FAM53B: variants seen among roughly 807,000 people sequenced by gnomAD.
The protein encoded by FAM53B is protein FAM53B.
In FAM53B, 12 loss-of-function variants were observed where a neutral mutation model predicts 32.7. That is an observed-to-expected ratio of 0.37 (90% CI 0.24 to 0.59). FAM53B has a LOEUF of 0.59. Among genes scored for constraint, FAM53B ranks in the 20% least tolerant of loss-of-function variants. FAM53B has a pLI of 0.72. For missense variants in FAM53B, 477 were observed against 577.7 expected (o/e 0.83, Z 1.79); for synonymous variants, 234 against 228.7 (o/e 1.02, Z -0.21).
chr10:124,731,135 A>C (rs781695321), intron 1 of FAM53B, among the ~76,000 whole-genome samples: 2 of 152,218 alleles, frequency 1.3e-5, no homozygotes, highest in Non-Finnish European at 2.9e-5. Context: ...TATATTCTTC[A>C]TCTATAAAAA....
intron 1 of FAM53B, among the ~76,000 whole-genome samples, chr10:124,716,095 G>A (rs1184832499): frequency 5.9e-5 from 9 of 152,248 alleles, no homozygotes; most frequent in Non-Finnish European, 7.3e-5. Flanking sequence ...TGAAGCACCT[G>A]CTGTCCTTAG....
rs929598907 is a variant in FAM53B at position 124,706,788 on chromosome 10, G to C, written c.-75C>G. On this transcript the variant is annotated 5_prime_UTR_variant, in exon 2 of 5. Coordinates refer to ENST00000337318, the MANE Select transcript of FAM53B (RefSeq NM_014661.4). ...CTTCACTTGGGCAGACTTGGGGTGAGTACCTCCTGGGGAATTGATGTCAGC... is the reference window on the plus strand; with the variant it reads ...CTTCACTTGGGCAGACTTGGGGTGACTACCTCCTGGGGAATTGATGTCAGC... 1 of 1,607,530 alleles carries C rather than the reference G, an allele frequency of 6.2e-7. No individual in the cohort carries two copies.
rs2134030396 is a variant in FAM53B, at chr10:124,619,934, G to A, written c.*3308C>T. On this transcript the variant is annotated 3_prime_UTR_variant, in exon 5 of 5. Transcript: ENST00000337318. ...GCAGAGCCCGCAGCAGGGGGCCCGG[G>A]GTTCCACAGCTAGGGAAGCTTGCTC... The A allele has an allele frequency of 6.6e-6, 1 of 152,524 alleles. No homozygotes were observed. The highest frequency in any genetic ancestry group is 2.1e-4 in the South Asian group (1 of 4,832). 9.4% of individuals were successfully genotyped at this position (152,524 alleles called of 1,614,324 possible). A position where few individuals can be genotyped will look rare whatever the true frequency, so the allele number is the denominator to read the frequency against.
At chr10:124,625,515 C>A (rs1949341395) in intron 4 of FAM53B, among the ~76,000 whole-genome samples, 1 of 152,188 alleles carries the variant, frequency 6.6e-6, no homozygotes, top group Admixed American at 6.5e-5. Context: ...GCGACCCCTG[C>A]ACAACAGCCC....
intron 3 of FAM53B, among the ~76,000 whole-genome samples, chr10:124,693,299 G>A (rs1217135681): frequency 1.3e-5 from 2 of 151,882 alleles, no homozygotes; most frequent in African/African-American, 4.8e-5. Context: ...GTGAAACCCC[G>A]TCTCTACTAA....
At chr10:124,709,485 G>C (rs141480305) in intron 1 of FAM53B, among the ~76,000 whole-genome samples, 103 of 152,322 alleles carry the variant, frequency 6.8e-4, no homozygotes, top group African/African-American at 2.5e-3. Flanking sequence ...GAGAAGGCAG[G>C]TGTAGCACAA....
In FAM53B at chr10:124,623,418, C is replaced by T. The variant is rs369577386; in HGVS notation, c.1093G>A (p.Asp365Asn). The T allele has an allele frequency of 3.1e-6, 5 of 1,607,814 alleles. No homozygotes were observed. In the South Asian group the frequency reaches 3.3e-5, roughly 11 times the overall value. The part of the protein sequence containing the change: ...VPEPLPPSFD[D>N]HLACQEDLSC... ...AGGTCCTCCTGGCAGGCGAGGTGGT[C>T]GTCGAAGGAAGGGGGAAGAGGCTCA... is the stretch of plus-strand genomic sequence containing the variant. The change falls in exon 5 of 5, where the codon GAC becomes AAC. Residue 365 changes from aspartate (D) to asparagine (N), a missense_variant. By Grantham distance (23) the Asp-to-Asn change is conservative. Transcript: ENST00000337318.
At chr10:124,665,220 TTC>T in intron 4 of FAM53B, among the ~76,000 whole-genome samples, 1 of 152,284 alleles carries the variant, frequency 6.6e-6, no homozygotes, top group African/African-American at 2.4e-5. Context: ...GGGCATAGCC[TTC>T]TCTTACTGCC....
At chr10:124,678,128 C>T (rs1475192658) in intron 4 of FAM53B, among the ~76,000 whole-genome samples, 1 of 152,210 alleles carries the variant, frequency 6.6e-6, no homozygotes, top group Non-Finnish European at 1.5e-5. Flanking sequence ...AACAGGCATT[C>T]TTACAGCAGA....
intron 4 of FAM53B, among the ~76,000 whole-genome samples, chr10:124,666,153 A>G (rs1949670887): frequency 6.6e-6 from 1 of 152,228 alleles, no homozygotes; most frequent in African/African-American, 2.4e-5. Context: ...TGAAGCTCCC[A>G]GGCTGATAAG....
chr10:124,727,330 T>TGGG (rs35254075), intron 1 of FAM53B, among the ~76,000 whole-genome samples: 11 of 89,256 alleles, frequency 1.2e-4, no homozygotes, highest in African/African-American at 4.4e-4. Flanking sequence ...TGAGTGATTG[T>TGGG]GGGGGGGGGG....
intron 4 of FAM53B, among the ~76,000 whole-genome samples, chr10:124,648,009 A>G (rs193290526): frequency 6.6e-6 from 1 of 152,272 alleles, no homozygotes; most frequent in Non-Finnish European, 1.5e-5. Context: ...CAGGAAATGC[A>G]CTGGGGACGC....
At chr10:124,707,193 G>A (rs1196510061) in intron 1 of FAM53B, among the ~76,000 whole-genome samples, 2 of 152,180 alleles carry the variant, frequency 1.3e-5, no homozygotes, top group Admixed American at 6.5e-5. Flanking sequence ...ACAATCTGCT[G>A]TCCCTGCAGC....
chr10:124,654,653 C>G (rs930804961), intron 4 of FAM53B, among the ~76,000 whole-genome samples: 1 of 152,198 alleles, frequency 6.6e-6, no homozygotes, highest in South Asian at 2.1e-4. Flanking sequence ...ACCCCCAGCT[C>G]GGGTGGTGGC....
Position 124,681,969 on chromosome 10 carries a change from C to T in FAM53B, c.544G>A (p.Asp182Asn), listed in dbSNP as rs1206993365. Residue 182 changes from aspartate to asparagine, a missense_variant, in exon 4 of 5, where the codon GAC becomes AAC. Asp to Asn is a conservative substitution (Grantham distance 23, BLOSUM62 1). This residue lies in a region of FAM53B where 312 missense variants were observed against 420.2 expected (regional missense o/e 0.74). Coordinates refer to ENST00000337318, the MANE Select transcript of FAM53B (RefSeq NM_014661.4). The stretch of plus-strand genomic sequence containing the variant: ...AATCGGTGGTGGAGTCCTGCCTGGT[C>T]GCAGGGTGAGGAGAGCACGTTGGCC... ...SRANVLSSPC[D>N]QAGLHHRFGG... is the part of the protein sequence containing the mutation. 8.7e-6 allele frequency: 14 copies of T among 1,613,970 alleles called. No individual in the cohort carries two copies. The highest frequency in any genetic ancestry group is 2.2e-5 in the East Asian group (1 of 44,876).
chr10:124,642,125 C>T (rs1174366645), intron 4 of FAM53B, among the ~76,000 whole-genome samples: 2 of 152,226 alleles, frequency 1.3e-5, no homozygotes, highest in Non-Finnish European at 2.9e-5. Flanking sequence ...CTGACAGTCA[C>T]CACAAGTGCA....
At chr10:124,694,012 T>C (rs1467158215) in intron 3 of FAM53B, among the ~76,000 whole-genome samples, 1 of 152,218 alleles carries the variant, frequency 6.6e-6, no homozygotes, top group East Asian at 1.9e-4. Flanking sequence ...GGTCAGGGTT[T>C]TCCTGAATTA....
rs1390445074 is a variant in FAM53B, at chr10:124,733,534, A to C, written c.-175+10479T>G. On this transcript the variant is annotated intron_variant, in intron 1 of 4. Coordinates refer to ENST00000337318, the MANE Select transcript of FAM53B (RefSeq NM_014661.4). This position sits in a 1 kb window ranked among gnomAD's most constrained non-coding sequence, Gnocchi z 4.3. ...TGTTTTTCCCTTTAAAGAAAAAAAA[A>C]AGGTAGTTTTACACTGAATCAGACT... 2.0e-5 allele frequency among the ~76,000 whole-genome samples: 3 copies of C among 152,342 alleles called. No homozygotes were observed. Among genetic ancestry groups the C allele is most frequent in the Middle Eastern group, 3.4e-3 (1 of 294 alleles).
At chr10:124,710,060 C>T (rs147193058) in intron 1 of FAM53B, among the ~76,000 whole-genome samples, 27 of 152,304 alleles carry the variant, frequency 1.8e-4, no homozygotes, top group South Asian at 1.2e-3. Context: ...GTAAGCAAGG[C>T]GTGGCCGCCG....
Sources: gnomAD v4.1 joint callset for allele counts (sites outside exome capture counted in the v4.1 genomes callset) on GRCh38, gnomAD v4.1.1 for gene constraint, gnomAD v4.1.1 regional missense constraint, Gnocchi (gnomAD v3.1) non-coding constraint, MANE v1.5 for transcripts, NCBI Gene and HGNC (gene_info 2026-07-23, HGNC 2026-07-21) for gene names.